Variants in SOS2 observed in about 807,000 individuals in gnomAD.
SOS2 encodes son of sevenless homolog 2.
In SOS2, 65 loss-of-function variants were observed where a neutral mutation model predicts 148.2. The observed-to-expected ratio is 0.44, with a 90% CI of 0.36 to 0.54. The LOEUF (loss-of-function observed/expected upper bound fraction) is 0.54, where lower values mean the gene tolerates loss of function less well. Among genes scored for constraint, SOS2 ranks in the 20% least tolerant of loss-of-function variants. The pLI is 0.00. For synonymous variants in SOS2, 539 were observed against 537.1 expected (o/e 1.00, Z -0.05); for missense variants, 1,341 against 1,590.2 (o/e 0.84, Z 2.67).
chr14:50,230,856 T>A (rs994533571), intron 1 of SOS2: 2 of 1,007,428 alleles, frequency 2.0e-6, no homozygotes, highest in East Asian at 1.8e-4. Flanking sequence ...AATGTGCTTT[T>A]GTTTTAGAAA....
chr14:50,140,299 C>T (rs950936457), intron 16 of SOS2, among the ~76,000 whole-genome samples: 1 of 152,120 alleles, frequency 6.6e-6, no homozygotes, highest in Non-Finnish European at 1.5e-5. Flanking sequence ...AAAAATTCTA[C>T]GTCATGCCTT....
intron 20 of SOS2, 49 bp from the exon 21 acceptor site, chr14:50,130,051 AT>A: frequency 8.6e-7 from 1 of 1,160,534 alleles, no homozygotes; most frequent in Non-Finnish European, 1.3e-6. Context: ...ACATGTAGGT[AT>A]TATTTTTTAA....
intron 4 of SOS2, among the ~76,000 whole-genome samples, chr14:50,189,850 ATTTTTTT>A (rs67295878): frequency 5.1e-4 from 64 of 126,334 alleles, no homozygotes; most frequent in African/African-American, 1.9e-3. Flanking sequence ...TTTATTTTTT[ATTTTTTT>A]TTTTTTTGTG....
chr14:50,172,060 G>A (rs373306893), intron 8 of SOS2, among the ~76,000 whole-genome samples: 2 of 152,230 alleles, frequency 1.3e-5, no homozygotes, highest in African/African-American at 4.8e-5. Flanking sequence ...TCCAAAGTGG[G>A]TTATACAGTT....
At chr14:50,131,390 C>A (rs776450170) in intron 19 of SOS2, among the ~76,000 whole-genome samples, 2 of 152,112 alleles carry the variant, frequency 1.3e-5, no homozygotes, top group Non-Finnish European at 2.9e-5. Context: ...TGGAATCTCA[C>A]TATTTTCCTT....
intron 9 of SOS2, 116 bp from the exon 10 acceptor site, chr14:50,160,202 G>T: frequency 1.3e-6 from 1 of 763,676 alleles, no homozygotes; most frequent in Non-Finnish European, 2.0e-6. Flanking sequence ...TAGCTTTTAC[G>T]CACAGCATTT....
chr14:50,137,606 C>T (rs896593597), intron 18 of SOS2, among the ~76,000 whole-genome samples: 1 of 151,960 alleles, frequency 6.6e-6, no homozygotes, highest in Non-Finnish European at 1.5e-5. Flanking sequence ...CATAGCAAGA[C>T]AAATAATTAT....
chr14:50,213,306 G>T (rs1886942084), intron 1 of SOS2, among the ~76,000 whole-genome samples: 1 of 152,090 alleles, frequency 6.6e-6, no homozygotes. Context: ...TTTGAATTTG[G>T]TAATAAGTGT....
chr14:50,149,401 A>G (rs1018950943), intron 14 of SOS2, among the ~76,000 whole-genome samples: 3 of 152,152 alleles, frequency 2.0e-5, no homozygotes, highest in Non-Finnish European at 4.4e-5. Flanking sequence ...TCAGACACAG[A>G]AAGAAAAATA....
intron 7 of SOS2, among the ~76,000 whole-genome samples, chr14:50,177,524 C>T (rs1468570326): frequency 6.6e-6 from 1 of 150,860 alleles, no homozygotes; most frequent in Non-Finnish European, 1.5e-5. Flanking sequence ...ATAACTGGGC[C>T]CTTTAACATT....
chr14:50,178,695 TATATATATATATATATAC>T (rs1566839662), intron 7 of SOS2, among the ~76,000 whole-genome samples: 224 of 15,062 alleles, frequency 0.015, 3 homozygotes, highest in East Asian at 0.045. Context: ...TATATATATA[TATATATATATATATATAC>T]ACACATATAC....
At chr14:50,169,032 C>A (rs1264813909) in intron 8 of SOS2, among the ~76,000 whole-genome samples, 2 of 152,174 alleles carry the variant, frequency 1.3e-5, no homozygotes, top group East Asian at 3.8e-4. Flanking sequence ...CATTGTTAGG[C>A]CTGGTGCAGT....
chr14:50,212,612 T>C (rs1486850392), intron 1 of SOS2, among the ~76,000 whole-genome samples: 1 of 152,246 alleles, frequency 6.6e-6, no homozygotes, highest in Admixed American at 6.5e-5. Flanking sequence ...ATTTATCCTT[T>C]ACACATTTTC....
Position 50,145,327 on chromosome 14 carries a change from A to C in SOS2, c.2510T>G (p.Ile837Ser). The C allele has an allele frequency of 6.2e-7, 1 of 1,601,874 alleles. No homozygotes were observed. The highest frequency in any genetic ancestry group is 2.2e-5 in the East Asian group (1 of 44,734). ...TTCTTCAAAATTTTCTGCTTCCACA[A>C]TGCATCTAACAACAACAAAAATTCA... ...TNLTLWFEKC[I>S]VEAENFEERV... Residue 837 changes from isoleucine to serine, a missense_variant, in exon 16 of 23, where the codon ATT becomes AGT. Around this residue, in one of 4 missense-constraint regions of SOS2, gnomAD observed 408 missense variants for 506.6 expected, o/e 0.81. Coordinates refer to ENST00000216373, the MANE Select transcript of SOS2 (RefSeq NM_006939.4).
At chr14:50,122,892 A>C (rs1883563757) in intron 21 of SOS2, among the ~76,000 whole-genome samples, 1 of 152,216 alleles carries the variant, frequency 6.6e-6, no homozygotes, top group Admixed American at 6.5e-5. Flanking sequence ...TCATTCATTC[A>C]TTCAACAGTT....
At chr14:50,199,546 G>A (rs1459140008) in intron 4 of SOS2, 145 bp downstream of exon 4, 10 of 438,550 alleles carry the variant, frequency 2.3e-5, no homozygotes, top group South Asian at 1.3e-4. Context: ...GAAATATCAC[G>A]GTTACTCTGT....
At chr14:50,193,642 C>A (rs1018401940) in intron 4 of SOS2, among the ~76,000 whole-genome samples, 2 of 152,216 alleles carry the variant, frequency 1.3e-5, no homozygotes, top group Non-Finnish European at 1.5e-5. Flanking sequence ...TCTGTGAGCT[C>A]TTGAACTAGT....
intron 8 of SOS2, among the ~76,000 whole-genome samples, chr14:50,167,345 A>C (rs1885200789): frequency 6.6e-6 from 1 of 151,480 alleles, no homozygotes; most frequent in Non-Finnish European, 1.5e-5. Flanking sequence ...CCTGGGCAAC[A>C]TGACAAAACC....
intron 1 of SOS2, among the ~76,000 whole-genome samples, chr14:50,219,198 A>G (rs1887128678): frequency 6.6e-6 from 1 of 152,216 alleles, no homozygotes. Flanking sequence ...TTTGTATTGA[A>G]ACATATCTTC....
Sources: allele counts gnomAD v4.1 joint callset (sites outside exome capture counted in the v4.1 genomes callset), GRCh38; gene constraint gnomAD v4.1.1; regional missense constraint gnomAD v4.1.1; transcripts MANE v1.5; gene names NCBI Gene and HGNC (gene_info 2026-07-23, HGNC 2026-07-21).